The following C6orf89 variants were observed in gnomAD, a reference collection of about 807,000 sequenced individuals.
C6orf89 encodes chromosome 6 open reading frame 89, also known as bombesin receptor-activated protein C6orf89.
A neutral mutation model predicts 40.7 loss-of-function variants in C6orf89; 29 were observed. The ratio of observed to expected loss-of-function variants is 0.71; its 90% CI spans 0.53 to 0.97. The LOEUF is 0.97. Ranked by LOEUF, C6orf89 falls within the 50% of genes least tolerant of loss-of-function variation. The pLI, the probability that C6orf89 is intolerant of heterozygous loss-of-function variation, is 0.00. For missense variants in C6orf89, 392 were observed against 429.1 expected, an observed-to-expected ratio of 0.91 and a Z score of 0.76; for synonymous variants, 165 against 152.2, an observed-to-expected ratio of 1.08 and a Z score of -0.62.
At chr6:36,916,969 G>C (rs1762345974) in intron 7 of C6orf89, among the ~76,000 whole-genome samples, 1 of 152,140 alleles carries the variant, frequency 6.6e-6, no homozygotes, top group Non-Finnish European at 1.5e-5. Context: ...TCCAGCACTT[G>C]GGGAGGCTGA....
intron 1 of C6orf89, chr6:36,892,855 A>G (rs1046339668): frequency 1.3e-5 from 2 of 152,258 alleles, no homozygotes; most frequent in Non-Finnish European, 2.9e-5. Context: ...TACTTTCTGC[A>G]GGTAAGTGGA....
At position 36,902,327 on chromosome 6, in the gene C6orf89, C is replaced by T; in HGVS notation, c.296C>T (p.Ser99Leu). 6.2e-7 allele frequency: 1 copy of T among 1,614,184 alleles called. No homozygotes were observed. The highest frequency in any genetic ancestry group is 8.5e-7 in the Non-Finnish European group (1 of 1,180,038). ...CTTTCTGGAGCTCACACCTGGCGCT[C>T]ACTCATCCATCACATTAGGCTGATG... is the stretch of plus-strand genomic sequence containing the variant. ...PVLSGAHTWR[S>L]LIHHIRLMSL... Residue 99 changes from serine to leucine, a missense_variant, in exon 4 of 9, where the codon TCA (serine) becomes TTA (leucine). Transcript: ENST00000480824.
chr6:36,913,942 T>C (rs1395326030), intron 4 of C6orf89, among the ~76,000 whole-genome samples: 5 of 152,046 alleles, frequency 3.3e-5, no homozygotes, highest in Admixed American at 6.5e-5. Flanking sequence ...GGGCAGATCA[T>C]GTGAGCCCAG....
At chr6:36,897,499 T>C (rs1309728971) in intron 2 of C6orf89, among the ~76,000 whole-genome samples, 3 of 152,246 alleles carry the variant, frequency 2.0e-5, no homozygotes, top group East Asian at 3.8e-4. Flanking sequence ...TAGTTTGTAC[T>C]GTCTTTTTAT....
intron 2 of C6orf89, among the ~76,000 whole-genome samples, chr6:36,880,842 TA>T (rs1184955971): frequency 2.0e-5 from 3 of 152,228 alleles, no homozygotes; most frequent in African/African-American, 7.2e-5. Flanking sequence ...ACTGGTTGTT[TA>T]AAAAGAGGGA....
At chr6:36,871,885 A>G in exon 1 of C6orf89, 1 of 1,564,800 alleles carries the variant, frequency 6.4e-7, no homozygotes, top group South Asian at 1.2e-5. Context: ...GCAGAGGGAG[A>G]GGACAACAGC....
At chr6:36,885,786 G>A (rs1175869369), upstream of C6orf89, 4 of 386,486 alleles carry the variant, frequency 1.0e-5, no homozygotes, top group African/African-American at 4.1e-5. Context: ...GGACGCCAGG[G>A]GGAGCAAGAA....
intron 3 of C6orf89, among the ~76,000 whole-genome samples, chr6:36,901,103 C>T (rs551767086): frequency 1.3e-5 from 2 of 151,926 alleles, no homozygotes; most frequent in East Asian, 3.9e-4. Context: ...ACCTCAGCCT[C>T]CCAAAGTGCT....
At chr6:36,913,409 C>T (rs1401074833) in intron 4 of C6orf89, among the ~76,000 whole-genome samples, 1 of 152,192 alleles carries the variant, frequency 6.6e-6, no homozygotes, top group Non-Finnish European at 1.5e-5. Context: ...TCCTGTCTAC[C>T]CTCTCCATCC....
chr6:36,911,312 A>G lies in C6orf89; in HGVS notation c.404-2972A>G, dbSNP rs577135756. Among the ~76,000 whole-genome samples, 214 of 152,262 alleles carry G rather than the reference A, an allele frequency of 1.4e-3. 1 individual carries two copies. Among genetic ancestry groups the G allele is most frequent in the Non-Finnish European group, 2.6e-3 (178 of 68,018 alleles). ...TGAGACCAGCCTGGCCAACATGGTG[A>G]AACCCTGTCTCTACTAAAAATACAA... On this transcript the variant is annotated intron_variant, in intron 4 of 8. Coordinates refer to ENST00000480824, the MANE Select transcript of C6orf89 (RefSeq NM_001286635.2).
At chr6:36,903,561 G>A (rs1456636638) in intron 4 of C6orf89, among the ~76,000 whole-genome samples, 4 of 152,004 alleles carry the variant, frequency 2.6e-5, no homozygotes, top group East Asian at 3.9e-4. Flanking sequence ...CTGGGTTCAC[G>A]CCATTCTCCT....
chr6:36,894,627 C>T, intron 2 of C6orf89, 24 bp downstream of exon 2: 1 of 922,030 alleles, frequency 1.1e-6, no homozygotes, highest in Non-Finnish European at 1.3e-6. Flanking sequence ...CATGCAACAA[C>T]CCTGAAGTCA....
chr6:36,923,494 G>C lies in C6orf89; in HGVS notation c.*53G>C. 1 of 1,425,406 alleles carries C rather than the reference G, an allele frequency of 7.0e-7. No individual in the cohort carries two copies. Among genetic ancestry groups the C allele is most frequent in the Non-Finnish European group, 9.9e-7 (1 of 1,010,342 alleles). 88.3% of individuals were successfully genotyped at this position (1,425,406 alleles called of 1,614,324 possible). On this transcript the variant is annotated 3_prime_UTR_variant, in exon 9 of 9. Coordinates refer to ENST00000480824, the MANE Select transcript of C6orf89 (RefSeq NM_001286635.2). ...TCCAGAGCCGAAAACCAGGTTGAAA[G>C]GGGAAAAATAAAAACAAAAACGATG...
intron 4 of C6orf89, among the ~76,000 whole-genome samples, chr6:36,913,191 A>G (rs994519424): frequency 1.1e-4 from 16 of 152,234 alleles, no homozygotes; most frequent in African/African-American, 3.9e-4. Flanking sequence ...TGCAGAAACA[A>G]GAGCCCCTCA....
At chr6:36,890,638 A>G (rs112044818) in intron 1 of C6orf89, among the ~76,000 whole-genome samples, 1,621 of 152,238 alleles carry the variant, frequency 0.011, 31 homozygotes, top group African/African-American at 0.034. Context: ...GGTTCAAGTG[A>G]TTCTCATGCC....
At chr6:36,911,936 C>A (rs12203354) in intron 4 of C6orf89, among the ~76,000 whole-genome samples, 30,538 of 141,156 alleles carry the variant, frequency 0.22, 4,767 homozygotes, top group East Asian at 0.33. Flanking sequence ...GTGAACCCCC[C>A]CCCCCCGACC....
intron 1 of C6orf89, among the ~76,000 whole-genome samples, chr6:36,878,818 GT>G (rs1311144661): frequency 6.6e-6 from 1 of 152,182 alleles, no homozygotes; most frequent in Non-Finnish European, 1.5e-5. Flanking sequence ...CAATCTCGCT[GT>G]TTCTGTACCT....
At chr6:36,896,184 T>A (rs1360840085) in intron 2 of C6orf89, among the ~76,000 whole-genome samples, 1 of 152,236 alleles carries the variant, frequency 6.6e-6, no homozygotes, top group Non-Finnish European at 1.5e-5. Flanking sequence ...CTTGGCTCAT[T>A]GCAACCTCTG....
intron 4 of C6orf89, among the ~76,000 whole-genome samples, chr6:36,913,401 C>A (rs1357414302): frequency 6.6e-6 from 1 of 152,218 alleles, no homozygotes; most frequent in African/African-American, 2.4e-5. Flanking sequence ...CAGAAAAGTC[C>A]TGTCTACCCT....
Sources: allele counts gnomAD v4.1 joint callset (sites outside exome capture counted in the v4.1 genomes callset), GRCh38; gene constraint gnomAD v4.1.1; transcripts MANE v1.5; gene names NCBI Gene and HGNC (gene_info 2026-07-23, HGNC 2026-07-21).